GOLGA8M: variants seen among roughly 807,000 people sequenced by gnomAD.
GOLGA8M encodes golgin subfamily A member 8M.
In GOLGA8M, 34 loss-of-function variants were observed where a neutral mutation model predicts 87.7. The observed-to-expected ratio is 0.39, with a 90% confidence interval of 0.29 to 0.52. The LOEUF (loss-of-function observed/expected upper bound fraction) is 0.52. Ranked by LOEUF, GOLGA8M falls within the 20% of genes least tolerant of loss-of-function variation. GOLGA8M has a pLI of 0.80. For synonymous variants in GOLGA8M, 138 were observed against 250.2 expected, an observed-to-expected ratio of 0.55 and a Z score of 4.23; for missense variants, 396 against 682.2, an observed-to-expected ratio of 0.58 and a Z score of 4.67.
chr15:28,711,754 T>C, intron 1 of GOLGA8M: 4 of 984,852 alleles, frequency 4.1e-6, no homozygotes, highest in Non-Finnish European at 4.8e-6. Flanking sequence ...GGAGGGACCA[T>C]GTCAGCACCA....
Position 28,706,688 on chromosome 15 carries a change from G to A in GOLGA8M, c.603C>T (p.Pro201=), listed in dbSNP as rs1567305103. The A allele has an allele frequency of 4.0e-6, 6 of 1,508,418 alleles. No individual in the cohort carries two copies. The highest frequency in any genetic ancestry group is 2.3e-4 in the Middle Eastern group (1 of 4,266). The allele number at this position is 1,508,418 out of a possible 1,614,324, so 93.4% of individuals were successfully genotyped here. Residue 201 remains proline (P), a synonymous_variant, in exon 9 of 19, where the codon CCC becomes CCT. Transcript: ENST00000563027. ...ACTTCCACTCCGTACCTGCTTTACT[G>A]GGGCTGGACAACTGGATGGCAAAGA... is the stretch of plus-strand genomic sequence containing the variant. ...QKKKANQLSS[P]SKAGTEWKLE...
chr15:28,706,124 T>G lies in GOLGA8M; in HGVS notation c.866A>C (p.Asn289Thr), dbSNP rs2080020555. The G allele has an allele frequency of 1.6e-6, 1 of 621,160 alleles. No individual in the cohort carries two copies. Among genetic ancestry groups the G allele is most frequent in the African/African-American group, 1.8e-5 (1 of 54,784 alleles). 38.5% of individuals were successfully genotyped at this position (621,160 alleles called of 1,614,324 possible). A position where few individuals can be genotyped will look rare whatever the true frequency, so the allele number is the denominator to read the frequency against. The change falls in exon 11 of 19, where the codon AAC (asparagine) becomes ACC (threonine). Residue 289 changes from asparagine to threonine, a missense_variant. Transcript: ENST00000563027. ...TGCCAGCCCCATCTTACCCATCTGG[T>G]TTTTGAGTTTGGACAAGCTCCTCTC... The part of the protein sequence containing the change: ...KLERSLSKLK[N>T]QMAEPLPPEP...
chr15:28,702,635 T>TCC lies in GOLGA8M; in HGVS notation c.1469+8_1469+9dup, dbSNP rs1441456048. On this transcript the variant is annotated intron_variant, in intron 16 of 18. Transcript: ENST00000563027. ...CAGCTCCCCCTGCCGTGCCCTGGCC[T>TCC]CCCACTCACTGATGGCATCTCTCTT... 2 of 1,610,094 alleles carry TCC rather than the reference T, an allele frequency of 1.2e-6. No homozygotes were observed. The highest frequency in any genetic ancestry group is 2.7e-5 in the African/African-American group (2 of 74,758).
chr15:28,702,655 T>G lies in GOLGA8M; in HGVS notation c.1459A>C (p.Arg487=), dbSNP rs202046610. The G allele has an allele frequency of 3.1e-6, 5 of 1,609,238 alleles. No homozygotes were observed. Among genetic ancestry groups the G allele is most frequent in the Non-Finnish European group, 3.4e-6 (4 of 1,179,938 alleles). ...TGGCCTCCCACTCACTGATGGCATCTCTCTTGCCAGTATTGAATGAAGCGA... is the reference window on the plus strand; with the variant it reads ...TGGCCTCCCACTCACTGATGGCATCGCTCTTGCCAGTATTGAATGAAGCGA... ...ELRFIQYWQE[R]CHQKIHHLLS... The change falls in exon 16 of 19, where the codon AGA becomes CGA. Residue 487 remains arginine, a synonymous_variant. Coordinates refer to ENST00000563027, the MANE Select transcript of GOLGA8M (RefSeq NM_001282468.3).
At chr15:28,711,620 A>G in intron 1 of GOLGA8M, 1 of 985,214 alleles carries the variant, frequency 1.0e-6, no homozygotes, top group Non-Finnish European at 1.2e-6. Flanking sequence ...CTGTGACCAG[A>G]GGAACCAGAA....
Position 28,706,648 on chromosome 15 carries a change from G to T in GOLGA8M, c.643C>A (p.Arg215=), listed in dbSNP as rs199923814. 6,177 of 1,541,804 alleles carry T rather than the reference G, an allele frequency of 4.0e-3. 24 individuals are homozygous for T. Among genetic ancestry groups the T allele is most frequent in the Non-Finnish European group, 4.6e-3 (5,160 of 1,128,054 alleles). Residue 215 remains arginine, a synonymous_variant, in exon 9 of 19, where the codon CGG becomes AGG. Transcript: ENST00000563027. ...GTEWKLEQSM[R]EEALLKVQLT... ...TGCACTTTCAGTAGTGCCTCCTCCCGCATGGACTGCTCTAACTTCCACTCC... is the reference window on the plus strand; with the variant it reads ...TGCACTTTCAGTAGTGCCTCCTCCCTCATGGACTGCTCTAACTTCCACTCC...
In GOLGA8M at chr15:28,701,005, T is replaced by C. The variant is rs915591924; in HGVS notation, c.*949A>G. 4.6e-5 allele frequency among the ~76,000 whole-genome samples: 7 copies of C among 152,180 alleles called. No individual in the cohort carries two copies. Among genetic ancestry groups the C allele is most frequent in the African/African-American group, 1.4e-4 (6 of 41,448 alleles). ...GTGTCCTTTTGTGTACTGGGACATG[T>C]AGTCATGCGATTAAAACAGGTAACA... On this transcript the variant is annotated 3_prime_UTR_variant, in exon 19 of 19. Transcript: ENST00000563027.
At chr15:28,708,338 C>T (rs2080102827) in intron 5 of GOLGA8M, 37 bp downstream of exon 5, 1 of 1,607,526 alleles carries the variant, frequency 6.2e-7, no homozygotes, top group African/African-American at 1.3e-5. Flanking sequence ...GAGCCTTCTT[C>T]CAGCAGTCAT....
In GOLGA8M at chr15:28,701,078, G is replaced by A. The variant is rs1438094996; in HGVS notation, c.*876C>T. 6.6e-6 allele frequency among the ~76,000 whole-genome samples: 1 copy of A among 152,056 alleles called. No individual in the cohort carries two copies. Among genetic ancestry groups the A allele is most frequent in the Non-Finnish European group, 1.5e-5 (1 of 68,028 alleles). On this transcript the variant is annotated 3_prime_UTR_variant, in exon 19 of 19. Transcript: ENST00000563027. Reference sequence around the variant, plus strand: ...TTGTAGATACAAATGCTCTAAGCTAGGAAAGGTTTTCCACATCCACAGTCA... The same window carrying A: ...TTGTAGATACAAATGCTCTAAGCTAAGAAAGGTTTTCCACATCCACAGTCA...
rs890384187 is a variant in GOLGA8M at position 28,704,900 on chromosome 15, A to T, written c.1200+259T>A. 1.1e-4 allele frequency: 94 copies of T among 868,034 alleles called. 2 individuals are homozygous for T. The highest frequency in any genetic ancestry group is 5.3e-4 in the Admixed American group (22 of 41,822). 53.8% of individuals were successfully genotyped at this position (868,034 alleles called of 1,614,324 possible). A position where few individuals can be genotyped will look rare whatever the true frequency, so the allele number is the denominator to read the frequency against. On this transcript the variant is annotated intron_variant, in intron 13 of 18. Coordinates refer to ENST00000563027, the MANE Select transcript of GOLGA8M (RefSeq NM_001282468.3). The stretch of plus-strand genomic sequence containing the variant: ...CTGCACCTGGCATAAGGAGCCTGTT[A>T]TAGCACTGTCTCTTCCCCTGTGATT...
In GOLGA8M at chr15:28,706,725, C is replaced by G. The variant is rs897358433; in HGVS notation, c.592-26G>C. The stretch of plus-strand genomic sequence containing the variant: ...CTGGATGGCAAAGAGTGAGAAGTTT[C>G]AATCTGGAGAGCCTGGGCATTTCCA... On this transcript the variant is annotated intron_variant, in intron 8 of 18. Coordinates refer to ENST00000563027, the MANE Select transcript of GOLGA8M (RefSeq NM_001282468.3). 8.3e-6 allele frequency: 12 copies of G among 1,446,458 alleles called. No homozygotes were observed. The Admixed American group carries it at 2.4e-4, about 29-fold the overall frequency. The allele number at this position is 1,446,458 out of a possible 1,614,324, so 89.6% of individuals were successfully genotyped here.
In GOLGA8M at chr15:28,702,647, A is replaced by G. The variant is rs1212036896; in HGVS notation, c.1467T>C (p.His489=). ...CCGTGCCCTGGCCTCCCACTCACTG[A>G]TGGCATCTCTCTTGCCAGTATTGAA... ...RFIQYWQERC[H]QKIHHLLSEP... is the part of the protein sequence containing the mutation. Residue 489 remains histidine, a splice_region_variant and synonymous_variant, in exon 16 of 19, where the codon CAT becomes CAC. Coordinates refer to ENST00000563027, the MANE Select transcript of GOLGA8M (RefSeq NM_001282468.3). The G allele has an allele frequency of 5.0e-6, 8 of 1,609,602 alleles. No individual in the cohort carries two copies. The highest frequency in any genetic ancestry group is 1.1e-5 in the South Asian group (1 of 91,032).
Position 28,702,308 on chromosome 15 carries a change from G to A in GOLGA8M, c.1629C>T (p.His543=). ...TGTGGGCAGCGGCCAGGAATTTTCT[G>A]TGCCCATTGTTGTAGTTGCTGTAAG... The part of the protein sequence containing the change: ...IAAYSNYNNG[H]RKFLAAAHNS... Residue 543 remains histidine (H), a synonymous_variant, in exon 18 of 19, where the codon CAC becomes CAT. Transcript: ENST00000563027. 13 of 1,532,410 alleles carry A rather than the reference G, an allele frequency of 8.5e-6. No individual in the cohort carries two copies. Among genetic ancestry groups the A allele is most frequent in the Admixed American group, 2.0e-5 (1 of 50,672 alleles). 94.9% of individuals were successfully genotyped at this position (1,532,410 alleles called of 1,614,324 possible). A position where few individuals can be genotyped will look rare whatever the true frequency, so the allele number is the denominator to read the frequency against.
Position 28,699,359 on chromosome 15 carries a change from ACTGAAAG to A in GOLGA8M, c.*2588_*2594del, listed in dbSNP as rs2079747406. ...CATTCCAATGTTGCCTTCTAAGCAAACTGAAAGCTGCCTTATACAGAATGAGGAAGAG... is the reference window on the plus strand; with the variant it reads ...CATTCCAATGTTGCCTTCTAAGCAAACTGCCTTATACAGAATGAGGAAGAG... On this transcript the variant is annotated 3_prime_UTR_variant, in exon 19 of 19. Transcript: ENST00000563027. Among the ~76,000 whole-genome samples the A allele has an allele frequency of 6.7e-6, 1 of 149,334 alleles. No individual in the cohort carries two copies. The highest frequency in any genetic ancestry group is 2.5e-5 in the African/African-American group (1 of 40,430).
intron 1 of GOLGA8M, chr15:28,711,931 G>A (rs1372720564): frequency 2.4e-5 from 24 of 984,918 alleles, no homozygotes; most frequent in African/African-American, 5.3e-5. Flanking sequence ...AAGTCACCCA[G>A]GGATGATTGG....
In GOLGA8M at chr15:28,700,998, G is replaced by T. The variant is rs1247499742; in HGVS notation, c.*956C>A. Reference sequence around the variant, plus strand: ...CCAACCAGTGTCCTTTTGTGTACTGGGACATGTAGTCATGCGATTAAAACA... The same window carrying T: ...CCAACCAGTGTCCTTTTGTGTACTGTGACATGTAGTCATGCGATTAAAACA... On this transcript the variant is annotated 3_prime_UTR_variant, in exon 19 of 19. Transcript: ENST00000563027. Among the ~76,000 whole-genome samples the T allele has an allele frequency of 3.3e-5, 5 of 152,086 alleles. No individual in the cohort carries two copies. The highest frequency in any genetic ancestry group is 1.2e-4 in the African/African-American group (5 of 41,420).
In GOLGA8M at chr15:28,704,033, G is replaced by A. The variant is rs78294260; in HGVS notation, c.1201-116C>T. ...CCTGCAACTTTTGGCAGGCCATATC[G>A]GCCACCGCTTTGCCTCAAGCTTCCT... On this transcript the variant is annotated intron_variant, in intron 13 of 18. Coordinates refer to ENST00000563027, the MANE Select transcript of GOLGA8M (RefSeq NM_001282468.3). 0.014 allele frequency: 21,334 copies of A among 1,486,572 alleles called. 3,962 individuals carry two copies. In the East Asian group the frequency reaches 0.39, roughly 27 times the overall value. The allele number at this position is 1,486,572 out of a possible 1,614,324, so 92.1% of individuals were successfully genotyped here. A position where few individuals can be genotyped will look rare whatever the true frequency, so the allele number is the denominator to read the frequency against.
Position 28,708,383 on chromosome 15 carries a change from G to C in GOLGA8M, c.340C>G (p.Leu114Val), listed in dbSNP as rs1227596487. 2.5e-6 allele frequency: 4 copies of C among 1,594,298 alleles called. No homozygotes were observed. The highest frequency in any genetic ancestry group is 2.7e-5 in the African/African-American group (2 of 74,538). ...KQQKKQVEHQLEEEKKANNKK... is the reference protein window; with the variant it reads ...KQQKKQVEHQVEEEKKANNKK... Reference sequence around the variant, plus strand: ...AAACGAAATCACGTTACTTCTTCCAGCTGATGTTCCACTTGTTTCTTCTGT... The same window carrying C: ...AAACGAAATCACGTTACTTCTTCCACCTGATGTTCCACTTGTTTCTTCTGT... The change falls in exon 5 of 19, where the codon CTG becomes GTG. Residue 114 changes from leucine to valine, a missense_variant. By Grantham distance (32) the Leu-to-Val change is conservative. Coordinates refer to ENST00000563027, the MANE Select transcript of GOLGA8M (RefSeq NM_001282468.3).
rs1360124676 is a variant in GOLGA8M, at chr15:28,708,037, C to G, written c.397G>C (p.Val133Leu). The change falls in exon 7 of 19, where the codon GTT becomes CTT. Residue 133 changes from valine (V) to leucine (L), a missense_variant and splice_region_variant. Physicochemically the swap from Val to Leu is conservative, Grantham distance 32. This residue lies in a region of GOLGA8M where 80 missense variants were observed against 119.9 expected (regional missense o/e 0.67). Transcript: ENST00000563027. Reference sequence around the variant, plus strand: ...TGTATGTTCAATGTCTGGAGTTGAACCTTTGGGAGAAAAGCCAAGCAAGTG... The same window carrying G: ...TGTATGTTCAATGTCTGGAGTTGAAGCTTTGGGAGAAAAGCCAAGCAAGTG... ...KKQKAKRVLE[V>L]QLQTLNIQKE... 6.3e-7 allele frequency: 1 copy of G among 1,596,498 alleles called. No homozygotes were observed. Among genetic ancestry groups the G allele is most frequent in the Non-Finnish European group, 8.5e-7 (1 of 1,177,676 alleles).
Sources: allele counts gnomAD v4.1 joint callset (sites outside exome capture counted in the v4.1 genomes callset), GRCh38; gene constraint gnomAD v4.1.1; regional missense constraint gnomAD v4.1.1; transcripts MANE v1.5; gene names NCBI Gene and HGNC (gene_info 2026-07-23, HGNC 2026-07-21).